Variants in CRPPA observed in about 807,000 individuals in gnomAD.
CRPPA encodes the protein CDP-L-ribitol pyrophosphorylase A.
Under a neutral mutation model 52.0 loss-of-function variants are expected in CRPPA, and 43 were observed. The ratio of observed to expected loss-of-function variants is 0.83; its 90% CI spans 0.65 to 1.07. The LOEUF (loss-of-function observed/expected upper bound fraction) is 1.07, where lower values mean the gene tolerates loss of function less well. Ranked by LOEUF, CRPPA falls within the 50% of genes least tolerant of loss-of-function variation. The pLI, the probability that CRPPA is intolerant of heterozygous loss-of-function variation, is 0.00. For missense variants in CRPPA, 629 were observed against 551.7 expected (o/e 1.14, Z -1.40); for synonymous variants, 250 against 203.5 (o/e 1.23, Z -1.94).
At chr7:16,285,419 TA>T (rs955387302) in intron 5 of CRPPA, among the ~76,000 whole-genome samples, 2 of 152,140 alleles carry the variant, frequency 1.3e-5, no homozygotes, top group Non-Finnish European at 1.5e-5. Flanking sequence ...AAGTAGCTTC[TA>T]AAAAAATTCC....
chr7:16,247,968 A>T (rs534048616), intron 8 of CRPPA: 1 of 152,232 alleles, frequency 6.6e-6, no homozygotes, highest in East Asian at 1.9e-4. Flanking sequence ...GTCAAGAGAA[A>T]ACTAAATTCA....
At chr7:16,108,994 G>C (rs1782208454) in intron 9 of CRPPA, among the ~76,000 whole-genome samples, 1 of 151,694 alleles carries the variant, frequency 6.6e-6, no homozygotes, top group Non-Finnish European at 1.5e-5. Flanking sequence ...AACATTTCAA[G>C]TGAACAATCT....
At chr7:16,233,150 A>G (rs994881522) in intron 8 of CRPPA, among the ~76,000 whole-genome samples, 3 of 152,152 alleles carry the variant, frequency 2.0e-5, no homozygotes, top group African/African-American at 7.2e-5. Flanking sequence ...ACAGCAAAAA[A>G]AAAGAAGGCA....
chr7:16,396,172 C>T (rs181894095), intron 2 of CRPPA, among the ~76,000 whole-genome samples: 1 of 152,174 alleles, frequency 6.6e-6, no homozygotes, highest in East Asian at 1.9e-4. Context: ...TTATCTTATC[C>T]CCATGCAGAA....
At chr7:16,266,992 G>GA (rs1783974140) in intron 6 of CRPPA, among the ~76,000 whole-genome samples, 2 of 152,120 alleles carry the variant, frequency 1.3e-5, no homozygotes, top group Admixed American at 1.3e-4. Context: ...AATGATATGT[G>GA]AAAAAGATAT....
chr7:16,254,851 G>GA (rs1562588926), intron 8 of CRPPA, among the ~76,000 whole-genome samples: 86 of 139,298 alleles, frequency 6.2e-4, no homozygotes, highest in Admixed American at 1.3e-3. Flanking sequence ...GAAAGAGAAA[G>GA]AAGAAAGAAA....
intron 9 of CRPPA, among the ~76,000 whole-genome samples, chr7:16,177,249 G>C (rs1293736429): frequency 6.6e-6 from 1 of 151,964 alleles, no homozygotes; most frequent in Non-Finnish European, 1.5e-5. Flanking sequence ...CAATACATTT[G>C]TTGAAACTAA....
intron 2 of CRPPA, among the ~76,000 whole-genome samples, chr7:16,398,915 C>CATGA (rs1181318168): frequency 6.6e-6 from 1 of 152,224 alleles, no homozygotes; most frequent in Non-Finnish European, 1.5e-5. Flanking sequence ...GTGACTGACA[C>CATGA]ATGATCGAGT....
intron 6 of CRPPA, among the ~76,000 whole-genome samples, chr7:16,274,329 G>A (rs976943076): frequency 6.6e-6 from 1 of 152,140 alleles, no homozygotes; most frequent in Non-Finnish European, 1.5e-5. Context: ...TTACGGACGT[G>A]AGCCACCACA....
chr7:16,101,650 A>G (rs570801122), intron 9 of CRPPA, among the ~76,000 whole-genome samples: 4 of 152,132 alleles, frequency 2.6e-5, no homozygotes, highest in Admixed American at 2.0e-4. Flanking sequence ...ATGTGCAAAA[A>G]TCACAAGCAT....
chr7:16,219,159 C>T (rs1171662200), intron 8 of CRPPA, among the ~76,000 whole-genome samples: 2 of 151,896 alleles, frequency 1.3e-5, no homozygotes, highest in African/African-American at 4.8e-5. Context: ...CGCTCAACTA[C>T]ATGGAAACTG....
At chr7:16,311,549 A>G (rs1785034529) in intron 3 of CRPPA, among the ~76,000 whole-genome samples, 2 of 152,122 alleles carry the variant, frequency 1.3e-5, no homozygotes. Flanking sequence ...ATCTTGATGT[A>G]CCACAGTTTG....
chr7:16,099,544 G>T (rs1782001935), intron 9 of CRPPA, among the ~76,000 whole-genome samples: 1 of 151,748 alleles, frequency 6.6e-6, no homozygotes. Flanking sequence ...GGGAAAGGTT[G>T]GTCAATAAAA....
At chr7:16,415,592 G>A (rs998578038) in intron 1 of CRPPA, among the ~76,000 whole-genome samples, 2 of 152,138 alleles carry the variant, frequency 1.3e-5, no homozygotes, top group Non-Finnish European at 2.9e-5. Context: ...TTTCAAGGTC[G>A]TATAACTTTA....
chr7:16,333,098 A>G (rs1290454055), intron 3 of CRPPA, among the ~76,000 whole-genome samples: 1 of 152,202 alleles, frequency 6.6e-6, no homozygotes, highest in African/African-American at 2.4e-5. Flanking sequence ...TGGACCTAAC[A>G]AGAGAGGGTG....
chr7:16,377,336 C>A (rs999585663), intron 2 of CRPPA, among the ~76,000 whole-genome samples: 3 of 152,100 alleles, frequency 2.0e-5, no homozygotes, highest in Non-Finnish European at 4.4e-5. Context: ...TGGTCAAGCC[C>A]AGTACCTATC....
intron 3 of CRPPA, among the ~76,000 whole-genome samples, chr7:16,330,326 T>A (rs6461237): frequency 1.3e-5 from 2 of 151,990 alleles, no homozygotes; most frequent in Non-Finnish European, 2.9e-5. Context: ...AAGACATATG[T>A]TTTTTGTTTC....
At chr7:16,361,859 CT>C (rs34029849) in intron 3 of CRPPA, among the ~76,000 whole-genome samples, 60,719 of 151,250 alleles carry the variant, frequency 0.4, 12,357 homozygotes, top group East Asian at 0.46. Flanking sequence ...TACAAAGTAA[CT>C]TTTTTTTTTC....
chr7:16,277,364 CAAA>C (rs35386502), intron 6 of CRPPA: 8 of 77,686 alleles, frequency 1.0e-4, no homozygotes, highest in African/African-American at 2.0e-4. Context: ...GACTCCATCT[CAAA>C]AAAAAAAAAA....
Sources: gnomAD v4.1 joint callset for allele counts (sites outside exome capture counted in the v4.1 genomes callset) on GRCh38, gnomAD v4.1.1 for gene constraint, MANE v1.5 for transcripts, NCBI Gene and HGNC (gene_info 2026-07-23, HGNC 2026-07-21) for gene names.